Variants in PDE10A observed in about 807,000 individuals in gnomAD.
The protein encoded by PDE10A is cAMP and cAMP-inhibited cGMP 3',5'-cyclic phosphodiesterase 10A.
PDE10A carries 39 observed loss-of-function variants against 97.7 expected under a neutral mutation model. The observed-to-expected ratio is 0.40, with a 90% CI of 0.31 to 0.52. The LOEUF (loss-of-function observed/expected upper bound fraction) is 0.52, where lower values mean the gene tolerates loss of function less well. PDE10A is among the 20% of genes least tolerant of loss of function. The pLI is 0.56. For missense variants in PDE10A, 731 were observed against 1,047.8 expected (o/e 0.70, Z 4.17); for synonymous variants, 371 against 376.8 (o/e 0.98, Z 0.18).
chr6:165,939,741 T>C (rs1342459078), intron 1 of PDE10A: 2 of 152,256 alleles, frequency 1.3e-5, no homozygotes, highest in African/African-American at 4.8e-5. Context: ...AGGGAAATGA[T>C]GTTCCTGGAA....
chr6:165,747,355 G>A lies in PDE10A; in HGVS notation c.-614-203787C>T, dbSNP rs550659168. On this transcript the variant is annotated intron_variant, in intron 1 of 19. Transcript: ENST00000366882. Reference sequence around the variant, plus strand: ...AGATTAGCCTCCACCGGCTCACAAGGTTTGTAAACACTGGTATGGGGCACA... The same window carrying A: ...AGATTAGCCTCCACCGGCTCACAAGATTTGTAAACACTGGTATGGGGCACA... Among the ~76,000 whole-genome samples, 11 of 152,252 alleles carry A rather than the reference G, an allele frequency of 7.2e-5. No individual in the cohort carries two copies. In the South Asian group the frequency reaches 2.3e-3, roughly 32 times the overall value.
At chr6:165,854,911 A>C (rs1780679210) in intron 1 of PDE10A, among the ~76,000 whole-genome samples, 1 of 152,102 alleles carries the variant, frequency 6.6e-6, no homozygotes, top group Non-Finnish European at 1.5e-5. Flanking sequence ...GTCCCAGGGG[A>C]TGCGGGAAGG....
At chr6:165,564,389 G>A (rs1047393618) in intron 1 of PDE10A, among the ~76,000 whole-genome samples, 11 of 152,152 alleles carry the variant, frequency 7.2e-5, no homozygotes, top group African/African-American at 1.7e-4. Flanking sequence ...GATAAGACCC[G>A]TTTTGACAAT....
intron 1 of PDE10A, among the ~76,000 whole-genome samples, chr6:165,715,389 G>A (rs905565863): frequency 4.6e-5 from 7 of 152,210 alleles, no homozygotes; most frequent in African/African-American, 1.2e-4. Context: ...TGGTGTGTGC[G>A]TCAGCTGAGC....
At chr6:165,843,590 C>T (rs1473310508) in intron 1 of PDE10A, among the ~76,000 whole-genome samples, 1 of 152,182 alleles carries the variant, frequency 6.6e-6, no homozygotes, top group Non-Finnish European at 1.5e-5. Flanking sequence ...CTCCCTGAAG[C>T]CTCCTTTCCA....
At chr6:165,735,106 A>AGGTT (rs1251737169) in intron 1 of PDE10A, among the ~76,000 whole-genome samples, 1 of 151,702 alleles carries the variant, frequency 6.6e-6, no homozygotes, top group Non-Finnish European at 1.5e-5. Context: ...ATAGGTAGGC[A>AGGTT]GGTTGGTAGG....
rs546896835 is a variant in PDE10A at position 165,435,417 on chromosome 6, A to G, written c.1195-40T>C. On this transcript the variant is annotated intron_variant, in intron 5 of 21. Coordinates refer to ENST00000539869, the MANE Select transcript of PDE10A (RefSeq NM_001385079.1). Reference sequence around the variant, plus strand: ...AGATGTTTTACAGACTTTCCTGTACATGTGCATAGTACAAAAAGACACACG... The same window carrying G: ...AGATGTTTTACAGACTTTCCTGTACGTGTGCATAGTACAAAAAGACACACG... 2.8e-5 allele frequency: 44 copies of G among 1,576,608 alleles called. No homozygotes were observed. In the South Asian group the frequency reaches 4.9e-4, roughly 18 times the overall value.
At chr6:165,454,987 T>C (rs969758242) in intron 3 of PDE10A, among the ~76,000 whole-genome samples, 2 of 152,104 alleles carry the variant, frequency 1.3e-5, no homozygotes, top group African/African-American at 2.4e-5. Flanking sequence ...AGAAGAATCC[T>C]ACTATGCCAC....
At chr6:165,969,771 G>C (rs1460492283) in intron 1 of PDE10A, among the ~76,000 whole-genome samples, 1 of 151,944 alleles carries the variant, frequency 6.6e-6, no homozygotes, top group African/African-American at 2.4e-5. Flanking sequence ...CCCAAACCTG[G>C]GACAATTTAA....
intron 13 of PDE10A, among the ~76,000 whole-genome samples, chr6:165,410,959 T>TC (rs1787740773): frequency 3.3e-5 from 1 of 30,330 alleles, no homozygotes; most frequent in Admixed American, 3.2e-4. Flanking sequence ...GTGGTGGCGG[T>TC]GCCTGTAGTC....
intron 1 of PDE10A, among the ~76,000 whole-genome samples, chr6:165,885,199 C>G (rs1001666767): frequency 2.6e-5 from 4 of 152,166 alleles, no homozygotes; most frequent in African/African-American, 9.7e-5. Context: ...CTATTTCACA[C>G]TGCTTTAAAG....
chr6:165,888,484 C>T (rs1781690928), intron 1 of PDE10A, among the ~76,000 whole-genome samples: 1 of 152,018 alleles, frequency 6.6e-6, no homozygotes, highest in South Asian at 2.1e-4. Context: ...CAGGGTTTCA[C>T]CATGTTGGCC....
upstream of PDE10A, among the ~76,000 whole-genome samples, chr6:165,667,853 C>A (rs533102825): frequency 4.2e-4 from 64 of 152,180 alleles, no homozygotes; most frequent in Non-Finnish European, 7.2e-4. Flanking sequence ...TTAGGATAAC[C>A]ATGTGAATAT....
In PDE10A at chr6:165,819,935, G is replaced by T. The variant is rs1779523032; in HGVS notation, c.-615+167594C>A. Among the ~76,000 whole-genome samples, 1 of 152,126 alleles carries T rather than the reference G, an allele frequency of 6.6e-6. No homozygotes were observed. Among genetic ancestry groups the T allele is most frequent in the South Asian group, 2.1e-4 (1 of 4,820 alleles). ...TAATATGGAATTCAGTAACACAAGG[G>T]CACTATTTTTCAAAATCTGTTGTTA... is the stretch of plus-strand genomic sequence containing the variant. On this transcript the variant is annotated intron_variant, in intron 1 of 19. Transcript: ENST00000366882. This position sits in a 1 kb window ranked among gnomAD's most constrained non-coding sequence, Gnocchi z 4.2.
intron 2 of PDE10A, among the ~76,000 whole-genome samples, chr6:165,523,996 G>A (rs1322608563): frequency 6.6e-6 from 1 of 152,092 alleles, no homozygotes; most frequent in Non-Finnish European, 1.5e-5. Flanking sequence ...ATATAAAGCA[G>A]GCAGAAAGAC....
chr6:165,932,249 T>C (rs1268374364), intron 1 of PDE10A, among the ~76,000 whole-genome samples: 1 of 152,208 alleles, frequency 6.6e-6, no homozygotes, highest in Non-Finnish European at 1.5e-5. Context: ...AATAAGGCTT[T>C]TTAACTTTGT....
intron 1 of PDE10A, among the ~76,000 whole-genome samples, chr6:165,692,991 G>T (rs531878701): frequency 6.6e-6 from 1 of 152,228 alleles, no homozygotes; most frequent in South Asian, 2.1e-4. Flanking sequence ...ACATCAAAGA[G>T]AGGATAGAAT....
chr6:165,445,201 G>A (rs556920619), intron 5 of PDE10A, among the ~76,000 whole-genome samples: 1 of 152,284 alleles, frequency 6.6e-6, no homozygotes, highest in African/African-American at 2.4e-5. Context: ...TCTATTGCCA[G>A]CGATACAGCA....
At chr6:165,754,710 A>G (rs1793079345) in intron 1 of PDE10A, among the ~76,000 whole-genome samples, 1 of 152,162 alleles carries the variant, frequency 6.6e-6, no homozygotes, top group South Asian at 2.1e-4. Context: ...AATTTGGGAA[A>G]GTCACTTAAC....
Sources: allele counts gnomAD v4.1 joint callset (sites outside exome capture counted in the v4.1 genomes callset), GRCh38; gene constraint gnomAD v4.1.1; non-coding constraint Gnocchi (gnomAD v3.1); transcripts MANE v1.5; gene names NCBI Gene and HGNC (gene_info 2026-07-23, HGNC 2026-07-21).